Variants in WWOX observed in about 807,000 individuals in gnomAD.
WWOX encodes the protein WW domain containing oxidoreductase.
WWOX carries 69 observed loss-of-function variants against 46.2 expected under a neutral mutation model. The ratio of observed to expected loss-of-function variants is 1.49; its 90% CI spans 1.23 to 1.82. The LOEUF (loss-of-function observed/expected upper bound fraction) is 1.82. Among genes scored for constraint, WWOX ranks in the 40% most tolerant of loss-of-function variants. The probability of loss-of-function intolerance (pLI) is 0.00; values close to 1 mark genes in which losing one functional copy is unlikely to be tolerated. For synonymous variants in WWOX, 359 were observed against 202.6 expected, an observed-to-expected ratio of 1.77 and a Z score of -6.56; for missense variants, 919 against 542.6, an observed-to-expected ratio of 1.69 and a Z score of -6.89.
chr16:78,171,334 A>G lies in WWOX; in HGVS notation c.516+7045A>G, dbSNP rs146107167. On this transcript the variant is annotated intron_variant, in intron 5 of 8. Coordinates refer to ENST00000566780, the MANE Select transcript of WWOX (RefSeq NM_016373.4). ...CTCCACCTACTTTTAGGCTCCTTAA[A>G]ATTCAGTGACTTTATGAGCTGGTAT... Among the ~76,000 whole-genome samples the G allele has an allele frequency of 4.8e-4, 73 of 152,294 alleles. No individual in the cohort carries two copies. In the East Asian group the frequency reaches 0.014, roughly 29 times the overall value.
intron 8 of WWOX, among the ~76,000 whole-genome samples, chr16:78,502,460 T>G (rs1486952252): frequency 6.6e-6 from 1 of 152,254 alleles, no homozygotes; most frequent in African/African-American, 2.4e-5. Context: ...GTGTCTGGTT[T>G]CTTCCTCTTA....
chr16:78,198,109 G>C (rs1056795342), intron 5 of WWOX, among the ~76,000 whole-genome samples: 1 of 152,068 alleles, frequency 6.6e-6, no homozygotes, highest in Non-Finnish European at 1.5e-5. Flanking sequence ...GTCTCTGCAG[G>C]CATCTACGCT....
chr16:79,212,062 G>A lies in WWOX; in HGVS notation c.*266G>A. On this transcript the variant is annotated 3_prime_UTR_variant, in exon 9 of 9. Coordinates refer to ENST00000566780, the MANE Select transcript of WWOX (RefSeq NM_016373.4). ...CCTGTTTGAAAGTAAAAACCTGCTTGGTGTGTAGGTTCCGTATCTCCCTGG... is the reference window on the plus strand; with the variant it reads ...CCTGTTTGAAAGTAAAAACCTGCTTAGTGTGTAGGTTCCGTATCTCCCTGG... The A allele has an allele frequency of 6.5e-7, 1 of 1,536,418 alleles. No homozygotes were observed. The highest frequency in any genetic ancestry group is 8.7e-7 in the Non-Finnish European group (1 of 1,146,938).
intron 8 of WWOX, among the ~76,000 whole-genome samples, chr16:78,692,888 A>G (rs1374607484): frequency 6.6e-6 from 1 of 152,232 alleles, no homozygotes; most frequent in African/African-American, 2.4e-5. Context: ...AAAAACAAAC[A>G]TGAATATTCT....
intron 8 of WWOX, among the ~76,000 whole-genome samples, chr16:78,771,198 C>T (rs577697278): frequency 2.6e-4 from 40 of 152,198 alleles, no homozygotes; most frequent in African/African-American, 6.0e-4. Context: ...CAGAACTGAC[C>T]GGAACTGACT....
chr16:79,158,902 C>G (rs2050432817), intron 8 of WWOX, among the ~76,000 whole-genome samples: 1 of 152,110 alleles, frequency 6.6e-6, no homozygotes, highest in African/African-American at 2.4e-5. Flanking sequence ...TGCTGTAGTC[C>G]CAGTTCCTAC....
chr16:79,108,598 T>C (rs1303537610), intron 8 of WWOX, among the ~76,000 whole-genome samples: 1 of 152,186 alleles, frequency 6.6e-6, no homozygotes, highest in Non-Finnish European at 1.5e-5. Flanking sequence ...AGAAAAACAT[T>C]GCTTTAAAAT....
At chr16:78,941,349 T>G (rs944202875) in intron 8 of WWOX, among the ~76,000 whole-genome samples, 1 of 152,146 alleles carries the variant, frequency 6.6e-6, no homozygotes, top group African/African-American at 2.4e-5. Context: ...ATTTTGTTTA[T>G]CCAAGTTTCC....
At chr16:78,810,608 G>A (rs576734516) in intron 8 of WWOX, among the ~76,000 whole-genome samples, 29 of 152,340 alleles carry the variant, frequency 1.9e-4, no homozygotes, top group African/African-American at 6.3e-4. Context: ...CAGTGCTGGA[G>A]TATTTTACCT....
chr16:78,234,934 A>G (rs578137414), intron 5 of WWOX, among the ~76,000 whole-genome samples: 15 of 151,890 alleles, frequency 9.9e-5, no homozygotes, highest in Non-Finnish European at 1.9e-4. Context: ...TAACTGAGGG[A>G]TTAAGGATAT....
rs1410421164 is a variant in WWOX, at chr16:78,947,038, G to A, written c.1057-264570G>A. Among the ~76,000 whole-genome samples, 4 of 141,532 alleles carry A rather than the reference G, an allele frequency of 2.8e-5. No individual in the cohort carries two copies. In the East Asian group the frequency reaches 9.1e-4, roughly 32 times the overall value. The allele number at this position is 141,532 out of a possible 152,430, so 92.9% of individuals were successfully genotyped here. On this transcript the variant is annotated intron_variant, in intron 8 of 8. Coordinates refer to ENST00000566780, the MANE Select transcript of WWOX (RefSeq NM_016373.4). ...GTCTTGTCTCTGCCTCCGTAAAGGA[G>A]TAAGTTAAAAAAGAAAGTTTCTTTT...
intron 8 of WWOX, among the ~76,000 whole-genome samples, chr16:79,003,266 T>C (rs747251857): frequency 6.6e-6 from 1 of 152,144 alleles, no homozygotes; most frequent in African/African-American, 2.4e-5. Flanking sequence ...AAATAGGCAA[T>C]GAAACTGAAA....
At chr16:78,617,888 C>T (rs958714997) in intron 8 of WWOX, among the ~76,000 whole-genome samples, 4 of 152,160 alleles carry the variant, frequency 2.6e-5, no homozygotes, top group South Asian at 2.1e-4. Context: ...CTATCTTTGC[C>T]TAGCATCTTT....
chr16:78,402,489 G>A (rs1221088812), intron 6 of WWOX, among the ~76,000 whole-genome samples: 1 of 152,144 alleles, frequency 6.6e-6, no homozygotes. Flanking sequence ...GGGGGTTGCA[G>A]TAAACATGTT....
intron 8 of WWOX, among the ~76,000 whole-genome samples, chr16:78,697,234 C>G (rs11150095): frequency 1.3e-5 from 2 of 152,328 alleles, no homozygotes; most frequent in East Asian, 3.9e-4. Context: ...TTCAAGAACT[C>G]TCCACACTGT....
intron 8 of WWOX, among the ~76,000 whole-genome samples, chr16:78,804,406 C>G (rs978739797): frequency 1.3e-5 from 2 of 150,868 alleles, no homozygotes; most frequent in Middle Eastern, 3.4e-3. Flanking sequence ...AAAAAAGGCG[C>G]TCAGCCAAAT....
At position 78,501,295 on chromosome 16, in the gene WWOX, CTTTG is replaced by C. The variant is rs769314779; in HGVS notation, c.1056+68549_1056+68552del. Among the ~76,000 whole-genome samples the C allele has an allele frequency of 4.8e-5, 7 of 146,136 alleles. No individual in the cohort carries two copies. In the East Asian group the frequency reaches 6.2e-4, roughly 13 times the overall value. On this transcript the variant is annotated intron_variant, in intron 8 of 8. Transcript: ENST00000566780. ...AAAGCAGACCCCTTGGTTCAGATAT[CTTTG>C]TTTGTGTAAATGTTTTGGCATTCTT...
intron 5 of WWOX, among the ~76,000 whole-genome samples, chr16:78,200,922 C>T (rs755373333): frequency 1.1e-4 from 17 of 152,088 alleles, no homozygotes; most frequent in Non-Finnish European, 2.4e-4. Context: ...GCACAGCAGA[C>T]GGCAAACAGA....
At chr16:78,501,595 G>T (rs1185465193) in intron 8 of WWOX, among the ~76,000 whole-genome samples, 2 of 151,422 alleles carry the variant, frequency 1.3e-5, no homozygotes, top group Non-Finnish European at 2.9e-5. Context: ...GGAGTGCAGT[G>T]GTGGGATCTT....
Sources: allele counts gnomAD v4.1 joint callset (sites outside exome capture counted in the v4.1 genomes callset), GRCh38; gene constraint gnomAD v4.1.1; transcripts MANE v1.5; gene names NCBI Gene and HGNC (gene_info 2026-07-23, HGNC 2026-07-21).